PCDHA2: variants seen among roughly 807,000 people sequenced by gnomAD.
The protein encoded by PCDHA2 is protocadherin alpha 2.
Under a neutral mutation model 66.0 loss-of-function variants are expected in PCDHA2, and 58 were observed. That is an observed-to-expected ratio of 0.88 (90% CI 0.71 to 1.09). The LOEUF (loss-of-function observed/expected upper bound fraction) is 1.09, where lower values mean the gene tolerates loss of function less well. PCDHA2 is among the 50% of genes least tolerant of loss of function. The pLI is 0.00. For synonymous variants in PCDHA2, 634 were observed against 554.0 expected, an observed-to-expected ratio of 1.14 and a Z score of -2.03; for missense variants, 1,267 against 1,242.3, an observed-to-expected ratio of 1.02 and a Z score of -0.30.
intron 1 of PCDHA2, among the ~76,000 whole-genome samples, chr5:140,839,584 CT>C (rs1237796320): frequency 6.6e-6 from 1 of 151,868 alleles, no homozygotes; most frequent in Non-Finnish European, 1.5e-5. Flanking sequence ...GAGATGGGGT[CT>C]TACCATGTTG....
chr5:140,913,398 AT>A (rs1172885484), intron 1 of PCDHA2, among the ~76,000 whole-genome samples: 5 of 152,132 alleles, frequency 3.3e-5, no homozygotes, highest in Non-Finnish European at 7.4e-5. Flanking sequence ...GCCACTAATG[AT>A]CCTTTGAATT....
rs782085408 is a variant in PCDHA2, at chr5:140,870,885, C to A, written c.2388+73533C>A. On this transcript the variant is annotated intron_variant, in intron 1 of 3. Coordinates refer to ENST00000526136, the MANE Select transcript of PCDHA2 (RefSeq NM_018905.3). ...CGGGCCACGTGGTGGCGAAGGTGCG[C>A]GCAGTGGATGCGGACTCAGGCTACA... 5 of 1,613,800 alleles carry A rather than the reference C, an allele frequency of 3.1e-6. No individual in the cohort carries two copies. The African/African-American group carries it at 5.3e-5, about 17-fold the overall frequency.
At chr5:140,829,990 C>T (rs1554132444) in intron 1 of PCDHA2, 7 of 1,613,856 alleles carry the variant, frequency 4.3e-6, no homozygotes, top group Non-Finnish European at 5.9e-6. Flanking sequence ...AGATCAGCAC[C>T]ACTCGTGTCC....
chr5:140,985,739 CTTTTTTTTT>C (rs11372071), intron 3 of PCDHA2, among the ~76,000 whole-genome samples: 4 of 117,922 alleles, frequency 3.4e-5, no homozygotes, highest in African/African-American at 3.2e-5. Flanking sequence ...TGATGAATTC[CTTTTTTTTT>C]TTTTTTTTTT....
At chr5:140,845,035 G>A (rs1427311138) in intron 1 of PCDHA2, among the ~76,000 whole-genome samples, 3 of 149,148 alleles carry the variant, frequency 2.0e-5, no homozygotes, top group Middle Eastern at 3.4e-3. Context: ...GCATATTTTA[G>A]CCCCCTTGTC....
At chr5:140,846,369 CTTTCTTTT>C (rs1383135260) in intron 1 of PCDHA2, among the ~76,000 whole-genome samples, 4 of 102,192 alleles carry the variant, frequency 3.9e-5, no homozygotes, top group Admixed American at 2.1e-4. Context: ...TCTTTTCTTT[CTTTCTTTT>C]TTTTTTTTTT....
At chr5:140,813,158 C>T (rs1765237806) in intron 1 of PCDHA2, 1 of 152,146 alleles carries the variant, frequency 6.6e-6, no homozygotes, top group Non-Finnish European at 1.5e-5. Flanking sequence ...AGTTCCATTT[C>T]AGCTATAGTG....
chr5:140,877,592 T>G, intron 1 of PCDHA2: 1 of 1,613,812 alleles, frequency 6.2e-7, no homozygotes, highest in South Asian at 1.1e-5. Flanking sequence ...ATCTGTGCGG[T>G]GTCCAGCCTG....
intron 1 of PCDHA2, chr5:140,927,673 G>C: frequency 6.2e-7 from 1 of 1,614,224 alleles, no homozygotes; most frequent in Non-Finnish European, 8.5e-7. Flanking sequence ...CTTGGATCCA[G>C]ATGAAGGGTC....
chr5:140,829,393 G>T (rs2150166989), intron 1 of PCDHA2: 5 of 1,614,050 alleles, frequency 3.1e-6, no homozygotes, highest in Admixed American at 3.3e-5. Context: ...GCTCGCCTTC[G>T]CTGTGGGCCA....
At chr5:140,808,168 G>A (rs781897208) in intron 1 of PCDHA2, 5 of 1,614,100 alleles carry the variant, frequency 3.1e-6, no homozygotes, top group African/African-American at 1.3e-5. Context: ...ATAAGGGACA[G>A]CTCCCACTTT....
chr5:140,870,386 A>G (rs1209102528), intron 1 of PCDHA2: 1 of 1,614,082 alleles, frequency 6.2e-7, no homozygotes, highest in Middle Eastern at 1.6e-4. Flanking sequence ...ACTGCGCGGG[A>G]TGGGGGTTCG....
intron 1 of PCDHA2, among the ~76,000 whole-genome samples, chr5:140,832,258 A>G (rs2150200533): frequency 6.6e-6 from 1 of 152,304 alleles, no homozygotes; most frequent in African/African-American, 2.4e-5. Context: ...TGTTCCCAGG[A>G]AATATTAGAC....
intron 1 of PCDHA2, among the ~76,000 whole-genome samples, chr5:140,906,410 A>T (rs1454575995): frequency 6.6e-6 from 1 of 152,246 alleles, no homozygotes; most frequent in Non-Finnish European, 1.5e-5. Flanking sequence ...ATATGAAGTC[A>T]ATAAATCTTA....
chr5:140,930,822 G>A (rs1338942917), intron 1 of PCDHA2, among the ~76,000 whole-genome samples: 2 of 152,140 alleles, frequency 1.3e-5, no homozygotes, highest in Non-Finnish European at 2.9e-5. Context: ...CTTAGTAAAT[G>A]CTGACTGAAT....
chr5:140,967,257 G>A (rs782706939), intron 1 of PCDHA2: 2 of 1,613,486 alleles, frequency 1.2e-6, no homozygotes, highest in East Asian at 2.2e-5. Flanking sequence ...GTGGCGCCTG[G>A]AGCGCGCTTT....
chr5:140,863,382 C>A, intron 1 of PCDHA2: 1 of 1,056,944 alleles, frequency 9.5e-7, no homozygotes. Context: ...TCACCGAGAG[C>A]TCGTGCATGC....
intron 3 of PCDHA2, among the ~76,000 whole-genome samples, chr5:140,995,470 T>C (rs543327839): frequency 5.6e-4 from 86 of 152,360 alleles, no homozygotes; most frequent in Middle Eastern, 3.4e-3. Flanking sequence ...TTGAAATTTT[T>C]CATTTAATAT....
intron 1 of PCDHA2, chr5:140,876,304 TCCTATGGGATC>T (rs1173311877): frequency 1.9e-6 from 3 of 1,613,956 alleles, no homozygotes; most frequent in Non-Finnish European, 2.5e-6. Context: ...TGGAGAAATT[TCCTATGGGATC>T]AAAATGATTT....
Sources: allele counts gnomAD v4.1 joint callset (sites outside exome capture counted in the v4.1 genomes callset), GRCh38; gene constraint gnomAD v4.1.1; transcripts MANE v1.5; gene names NCBI Gene and HGNC (gene_info 2026-07-23, HGNC 2026-07-21).